The following CADM1 variants were observed in gnomAD, a reference collection of about 807,000 sequenced individuals.
CADM1 encodes the protein cell adhesion molecule 1, also known as TSLC-1.
A neutral mutation model predicts 53.1 loss-of-function variants in CADM1; 15 were observed. The ratio of observed to expected loss-of-function variants is 0.28; its 90% CI spans 0.19 to 0.44. The LOEUF (loss-of-function observed/expected upper bound fraction) is 0.44. CADM1 is among the 20% of genes least tolerant of loss of function. CADM1 has a pLI of 1.00. For synonymous variants in CADM1, 281 were observed against 243.0 expected (o/e 1.16, Z -1.45); for missense variants, 434 against 611.3 (o/e 0.71, Z 3.06).
rs138176852 is a variant in CADM1 at position 115,224,979 on chromosome 11, G to C, written c.721+4134C>G. Among the ~76,000 whole-genome samples the C allele has an allele frequency of 2.2e-3, 332 of 152,260 alleles. 1 individual carries two copies. Among genetic ancestry groups the C allele is most frequent in the Middle Eastern group, 0.017 (5 of 294 alleles). On this transcript the variant is annotated intron_variant, in intron 5 of 11. Coordinates refer to ENST00000331581, the MANE Select transcript of CADM1 (RefSeq NM_001301043.2). ...AAAGATTTTAGGGTCATACAGCTCGGAACATTAAAAAGCAAAACTGTTCTC... is the reference window on the plus strand; with the variant it reads ...AAAGATTTTAGGGTCATACAGCTCGCAACATTAAAAAGCAAAACTGTTCTC...
intron 1 of CADM1, among the ~76,000 whole-genome samples, chr11:115,398,700 A>C (rs1365689386): frequency 6.6e-6 from 1 of 152,198 alleles, no homozygotes; most frequent in Non-Finnish European, 1.5e-5. Context: ...ATATTCTAAC[A>C]TATTTATTTA....
intron 1 of CADM1, among the ~76,000 whole-genome samples, chr11:115,292,724 CA>C (rs1328446932): frequency 2.0e-5 from 3 of 152,114 alleles, no homozygotes; most frequent in Non-Finnish European, 2.9e-5. Context: ...AAAATGAAAC[CA>C]GGGGCGGTAG....
At chr11:115,328,713 T>TATACGC (rs375794586) in intron 1 of CADM1, among the ~76,000 whole-genome samples, 5 of 49,658 alleles carry the variant, frequency 1.0e-4, no homozygotes, top group East Asian at 2.8e-3. Context: ...TATATATATA[T>TATACGC]GTGTATATAT....
intron 1 of CADM1, among the ~76,000 whole-genome samples, chr11:115,492,494 A>G (rs996966781): frequency 2.0e-5 from 3 of 152,242 alleles, no homozygotes; most frequent in Admixed American, 2.0e-4. Context: ...TCCTAACTGT[A>G]TACCTATTGA....
chr11:115,402,620 A>G (rs1189587655), intron 1 of CADM1, among the ~76,000 whole-genome samples: 1 of 152,210 alleles, frequency 6.6e-6, no homozygotes, highest in Non-Finnish European at 1.5e-5. Flanking sequence ...GGACATAAAC[A>G]GGGAGTATAC....
intron 1 of CADM1, among the ~76,000 whole-genome samples, chr11:115,337,622 C>A (rs944061692): frequency 6.6e-5 from 10 of 152,170 alleles, no homozygotes; most frequent in African/African-American, 2.4e-4. Context: ...GTTTGATATG[C>A]ATTTGTTATG....
At chr11:115,294,448 C>CAT (rs1943993887) in intron 1 of CADM1, among the ~76,000 whole-genome samples, 1 of 152,136 alleles carries the variant, frequency 6.6e-6, no homozygotes, top group African/African-American at 2.4e-5. Flanking sequence ...TCTCATCTAC[C>CAT]GCCATCTCTT....
At chr11:115,284,087 A>ACTCTCACTCTCTCTCTCTCT (rs1943657467) in intron 1 of CADM1, among the ~76,000 whole-genome samples, 17 of 47,576 alleles carry the variant, frequency 3.6e-4, no homozygotes, top group Admixed American at 1.1e-3. Flanking sequence ...AAGCCCAGAC[A>ACTCTCACTCTCTCTCTCTCT]CTCTCTCTCT....
chr11:115,236,284 C>T (rs45593037), intron 3 of CADM1, among the ~76,000 whole-genome samples: 5,253 of 152,020 alleles, frequency 0.035, 141 homozygotes, highest in Non-Finnish European at 0.048. Context: ...TTACGAGAAA[C>T]GTTGGAATAT....
chr11:115,190,907 C>T lies in CADM1; in HGVS notation c.1146G>A (p.Leu382=). The change falls in exon 10 of 12, where the codon CTG becomes CTA. Residue 382 remains leucine (L), a synonymous_variant. Coordinates refer to ENST00000331581, the MANE Select transcript of CADM1 (RefSeq NM_001301043.2). Reference sequence around the variant, plus strand: ...CCTTACCTGAGAGGTCCTCACTGTCCAGTTCTTCTGCGGAATTGGGCAACT... The same window carrying T: ...CCTTACCTGAGAGGTCCTCACTGTCTAGTTCTTCTGCGGAATTGGGCAACT... The part of the protein sequence containing the change: ...LTQLPNSAEE[L]DSEDLSDSRA... 6.3e-7 allele frequency: 1 copy of T among 1,595,348 alleles called. No individual in the cohort carries two copies. The highest frequency in any genetic ancestry group is 8.5e-7 in the Non-Finnish European group (1 of 1,178,570).
intron 1 of CADM1, among the ~76,000 whole-genome samples, chr11:115,322,279 T>C (rs1214110712): frequency 1.3e-5 from 2 of 152,216 alleles, no homozygotes; most frequent in African/African-American, 4.8e-5. Context: ...AAGGCTTACA[T>C]ATGCAAGGCA....
At chr11:115,503,142 G>A (rs906616273) in intron 1 of CADM1, among the ~76,000 whole-genome samples, 1 of 152,186 alleles carries the variant, frequency 6.6e-6, no homozygotes, top group Non-Finnish European at 1.5e-5. Flanking sequence ...GCGGCGAGGT[G>A]GCGGGAAGGG....
rs1357720267 is a variant in CADM1 at position 115,465,393 on chromosome 11, G to A, written c.124+38878C>T. 2.0e-5 allele frequency among the ~76,000 whole-genome samples: 3 copies of A among 152,124 alleles called. No individual in the cohort carries two copies. The South Asian group carries it at 6.2e-4, about 31-fold the overall frequency. The stretch of plus-strand genomic sequence containing the variant: ...AGCTCTGTTCTGAGTGACATGAGAG[G>A]TGTTTAGTAAACTTACAATCAGTAG... On this transcript the variant is annotated intron_variant, in intron 1 of 11. Coordinates refer to ENST00000331581, the MANE Select transcript of CADM1 (RefSeq NM_001301043.2).
chr11:115,494,514 C>T (rs908900693), intron 1 of CADM1, among the ~76,000 whole-genome samples: 1 of 152,042 alleles, frequency 6.6e-6, no homozygotes, highest in Non-Finnish European at 1.5e-5. Context: ...TTGTCAGTTT[C>T]CCCAAGATTA....
intron 1 of CADM1, among the ~76,000 whole-genome samples, chr11:115,346,325 TGGGG>T (rs1206442141): frequency 6.6e-6 from 1 of 152,196 alleles, no homozygotes; most frequent in Non-Finnish European, 1.5e-5. Flanking sequence ...ATTAACCTAC[TGGGG>T]TAAAATTTCA....
chr11:115,445,889 C>T (rs1031029417), intron 1 of CADM1: 2 of 371,152 alleles, frequency 5.4e-6, no homozygotes, highest in Non-Finnish European at 1.1e-5. Context: ...TAACAATGTA[C>T]TGCTTTAAGA....
rs1377234023 is a variant in CADM1, at chr11:115,233,181, C to T, written c.425-1691G>A. On this transcript the variant is annotated intron_variant, in intron 3 of 11. Transcript: ENST00000331581. ...GGTGTAATGAGCAGAGCCAAAGGAT[C>T]CCTCTTCTTTGTTTCCCGTGTACAA... Among the ~76,000 whole-genome samples, 4 of 152,218 alleles carry T rather than the reference C, an allele frequency of 2.6e-5. No homozygotes were observed. The East Asian group carries it at 7.7e-4, about 29-fold the overall frequency.
intron 1 of CADM1, among the ~76,000 whole-genome samples, chr11:115,503,487 C>G (rs947922082): frequency 2.0e-5 from 3 of 152,096 alleles, no homozygotes; most frequent in Non-Finnish European, 4.4e-5. Context: ...TGTCCCCACT[C>G]GTGGCAGAGG....
At chr11:115,211,532 T>A (rs1319619305) in intron 7 of CADM1, among the ~76,000 whole-genome samples, 2 of 137,720 alleles carry the variant, frequency 1.5e-5, no homozygotes, top group South Asian at 4.5e-4. Context: ...CAGGCTGGAG[T>A]GCAGTGGCAT....
Sources: gnomAD v4.1 joint callset for allele counts (sites outside exome capture counted in the v4.1 genomes callset) on GRCh38, gnomAD v4.1.1 for gene constraint, MANE v1.5 for transcripts, NCBI Gene and HGNC (gene_info 2026-07-23, HGNC 2026-07-21) for gene names.